Variants in SLC6A12 observed in about 807,000 individuals in gnomAD.
SLC6A12 encodes the protein solute carrier family 6 member 12.
Under a neutral mutation model 73.3 loss-of-function variants are expected in SLC6A12, and 50 were observed. The ratio of observed to expected loss-of-function variants is 0.68; its 90% CI spans 0.54 to 0.86. The LOEUF is 0.86. SLC6A12 is among the 40% of genes least tolerant of loss of function. The probability of loss-of-function intolerance (pLI) is 0.00; values close to 1 mark genes in which losing one functional copy is unlikely to be tolerated. For synonymous variants in SLC6A12, 304 were observed against 309.2 expected, an observed-to-expected ratio of 0.98 and a Z score of 0.18; for missense variants, 648 against 772.8, an observed-to-expected ratio of 0.84 and a Z score of 1.92.
intron 15 of SLC6A12, among the ~76,000 whole-genome samples, chr12:192,078 G>A (rs960802180): frequency 6.6e-6 from 1 of 152,168 alleles, no homozygotes; most frequent in African/African-American, 2.4e-5. Flanking sequence ...AAGAAGCCAG[G>A]AGCCTGTGTG....
chr12:199,475 C>A (rs1372439408), intron 7 of SLC6A12, among the ~76,000 whole-genome samples: 3 of 152,152 alleles, frequency 2.0e-5, no homozygotes, highest in Non-Finnish European at 4.4e-5. Flanking sequence ...CTTTTGCAGG[C>A]TAATGGTTGG....
intron 7 of SLC6A12, 156 bp from the exon 8 acceptor site, chr12:199,087 A>G: frequency 2.0e-6 from 1 of 497,382 alleles, no homozygotes; most frequent in Non-Finnish European, 3.6e-6. Flanking sequence ...ACCTCCCTTT[A>G]CACATTCCAG....
At chr12:204,374 C>G (rs1298872678) in intron 4 of SLC6A12, 190 bp downstream of exon 4, 1 of 620,978 alleles carries the variant, frequency 1.6e-6, no homozygotes, top group Admixed American at 2.7e-5. Flanking sequence ...AGGGTCCCAG[C>G]TTGCTCGGGA....
At position 194,872 on chromosome 12, in the gene SLC6A12, G is replaced by A. The variant is rs139106478; in HGVS notation, c.1429+353C>T. Among the ~76,000 whole-genome samples, 162 of 152,324 alleles carry A rather than the reference G, an allele frequency of 1.1e-3. No homozygotes were observed. In the Middle Eastern group the frequency reaches 0.014, roughly 13 times the overall value. ...TTGGAAAGGCAGTGTGGGAGTTTGC[G>A]GAGGATCGGGCTAAGTGGCAATAAA... is the stretch of plus-strand genomic sequence containing the variant. On this transcript the variant is annotated intron_variant, in intron 13 of 15. Coordinates refer to ENST00000684302, the MANE Select transcript of SLC6A12 (RefSeq NM_001122848.3).
chr12:200,261 A>G (rs376509677), intron 7 of SLC6A12, among the ~76,000 whole-genome samples: 4 of 149,804 alleles, frequency 2.7e-5, no homozygotes, highest in Non-Finnish European at 5.9e-5. Context: ...GGTGCCCACC[A>G]CCACGCCCGG....
chr12:187,605 A>AAAAAAAAC (rs1939456599), downstream of SLC6A12, among the ~76,000 whole-genome samples: 2 of 15,858 alleles, frequency 1.3e-4, no homozygotes, highest in Non-Finnish European at 6.4e-4. Flanking sequence ...AAAAAAAAAA[A>AAAAAAAAC]AAAAAAAAAA....
Position 191,030 on chromosome 12 carries a change from G to T in SLC6A12, c.*38C>A. The T allele has an allele frequency of 7.8e-7, 1 of 1,289,028 alleles. No homozygotes were observed. The allele number at this position is 1,289,028 out of a possible 1,614,324, so 79.8% of individuals were successfully genotyped here. On this transcript the variant is annotated 3_prime_UTR_variant, in exon 16 of 16. Transcript: ENST00000684302. ...AGAATGGAGGGTGGCCCTGACCTAG[G>T]TTCCCGGCTTAGGAGCCGCCTGGCC... is the stretch of plus-strand genomic sequence containing the variant.
Position 201,935 on chromosome 12 carries a change from G to A in SLC6A12, c.491-86C>T, listed in dbSNP as rs181263847. ...GGCCCTCTGGCCTTGCAGCCTAGTG[G>A]TCCTCACCACTCCTAGCCCCAAGAG... On this transcript the variant is annotated intron_variant, in intron 5 of 15. Coordinates refer to ENST00000684302, the MANE Select transcript of SLC6A12 (RefSeq NM_001122848.3). 4.9e-4 allele frequency: 566 copies of A among 1,150,454 alleles called. 1 individual carries two copies. In the African/African-American group the frequency reaches 7.9e-3, roughly 16 times the overall value. 71.3% of individuals were successfully genotyped at this position (1,150,454 alleles called of 1,614,324 possible).
intron 13 of SLC6A12, 109 bp from the exon 14 acceptor site, chr12:193,486 T>G: frequency 1.3e-6 from 1 of 756,010 alleles, no homozygotes; most frequent in Non-Finnish European, 2.2e-6. Flanking sequence ...CCCCGCCCTG[T>G]GCAGGGAAAC....
intron 15 of SLC6A12, 69 bp downstream of exon 15, chr12:192,409 T>C: frequency 7.1e-7 from 1 of 1,407,704 alleles, no homozygotes; most frequent in African/African-American, 1.4e-5. Flanking sequence ...CCCAGTTGTG[T>C]GTCCTGCCCC....
intron 7 of SLC6A12, 122 bp from the exon 8 acceptor site, chr12:199,053 G>T: frequency 1.1e-6 from 1 of 922,430 alleles, no homozygotes; most frequent in Admixed American, 2.4e-5. Flanking sequence ...AGCCTAGAGG[G>T]GCTAAGCACA....
chr12:204,655 G>A lies in SLC6A12; in HGVS notation c.258C>T (p.Gly86=), dbSNP rs1335684003. Residue 86 remains glycine, a synonymous_variant, in exon 4 of 16, where the codon GGC becomes GGT. Coordinates refer to ENST00000684302, the MANE Select transcript of SLC6A12 (RefSeq NM_001122848.3). The part of the protein sequence containing the change: ...IPYFIFFFVC[G]IPVFFLEVAL... ...CCACCTCCAGGAAGAACACCGGGAT[G>A]CCGCAGACAAAGAAGAAGATGAAGT... 1.2e-6 allele frequency: 2 copies of A among 1,614,222 alleles called. No individual in the cohort carries two copies. The highest frequency in any genetic ancestry group is 2.2e-5 in the South Asian group (2 of 91,086).
At chr12:197,726 G>A (rs1372938303) in intron 9 of SLC6A12, among the ~76,000 whole-genome samples, 174 bp downstream of exon 9, 1 of 152,012 alleles carries the variant, frequency 6.6e-6, no homozygotes, top group Non-Finnish European at 1.5e-5. Context: ...AGAGAAGTGA[G>A]AGAGAAAAGG....
chr12:185,427 T>C (rs1374607561), downstream of SLC6A12, among the ~76,000 whole-genome samples: 1 of 152,244 alleles, frequency 6.6e-6, no homozygotes, highest in Non-Finnish European at 1.5e-5. Flanking sequence ...GAGTCCCTCA[T>C]GCTGGGGTGC....
At chr12:196,621 C>T in intron 11 of SLC6A12, 149 bp downstream of exon 11, 1 of 660,790 alleles carries the variant, frequency 1.5e-6, no homozygotes, top group Non-Finnish European at 2.6e-6. Context: ...CCAGGCCACA[C>T]CCCCAACCCC....
the SLC6A12 span, among the ~76,000 whole-genome samples, chr12:183,924 C>A: frequency 6.6e-6 from 1 of 151,310 alleles, no homozygotes; most frequent in East Asian, 1.9e-4. Flanking sequence ...AAAAGAGAAA[C>A]AGAACATCTC....
chr12:187,693 T>G (rs552227430), downstream of SLC6A12, among the ~76,000 whole-genome samples: 720 of 144,558 alleles, frequency 5.0e-3, 5 homozygotes, highest in African/African-American at 0.019. Flanking sequence ...CACTAGGGCC[T>G]CCGGCAGCCT....
At position 200,228 on chromosome 12, in the gene SLC6A12, C is replaced by T. The variant is rs897873752; in HGVS notation, c.711+423G>A. Among the ~76,000 whole-genome samples, 112 of 150,814 alleles carry T rather than the reference C, an allele frequency of 7.4e-4. 1 individual carries two copies. The highest frequency in any genetic ancestry group is 1.4e-3 in the Non-Finnish European group (96 of 67,822). On this transcript the variant is annotated intron_variant, in intron 7 of 15. Coordinates refer to ENST00000684302, the MANE Select transcript of SLC6A12 (RefSeq NM_001122848.3). ...GGTTCACGCCATTCTCCTGCCTCAGCCTCCTGCATAGCTGGGACTACAGGT... is the reference window on the plus strand; with the variant it reads ...GGTTCACGCCATTCTCCTGCCTCAGTCTCCTGCATAGCTGGGACTACAGGT...
rs1940277106 is a variant in SLC6A12, at chr12:201,785, G to A, written c.555C>T (p.Thr185=). The change falls in exon 6 of 16, where the codon ACC becomes ACT. Residue 185 remains threonine (T), a synonymous_variant. Coordinates refer to ENST00000684302, the MANE Select transcript of SLC6A12 (RefSeq NM_001122848.3). ...AGTVTPFENF[T]SPVMEFWERR... is the part of the protein sequence containing the mutation. ...ACTCCCAGAATTCCATGACAGGTGA[G>A]GTAAAATTCTCAAATGGGGTCACTG... 6.2e-7 allele frequency: 1 copy of A among 1,614,024 alleles called. No individual in the cohort carries two copies. Among genetic ancestry groups the A allele is most frequent in the Non-Finnish European group, 8.5e-7 (1 of 1,179,900 alleles).
Sources: allele counts gnomAD v4.1 joint callset (sites outside exome capture counted in the v4.1 genomes callset), GRCh38; gene constraint gnomAD v4.1.1; transcripts MANE v1.5; gene names NCBI Gene and HGNC (gene_info 2026-07-23, HGNC 2026-07-21).